Variants in LINGO2 observed in about 807,000 individuals in gnomAD.
LINGO2 encodes the protein leucine-rich repeat and immunoglobulin-like domain-containing nogo receptor-interacting protein 2.
LINGO2 carries 14 observed loss-of-function variants against 30.6 expected under a neutral mutation model. The ratio of observed to expected loss-of-function variants is 0.46; its 90% CI spans 0.30 to 0.72. The LOEUF is 0.72. Ranked by LOEUF, LINGO2 falls within the 30% of genes least tolerant of loss-of-function variation. LINGO2 has a pLI of 0.07. For missense variants in LINGO2, 729 were observed against 751.7 expected (o/e 0.97, Z 0.35); for synonymous variants, 317 against 288.5 (o/e 1.10, Z -1.00).
At chr9:28,857,229 A>G in the LINGO2 span, among the ~76,000 whole-genome samples, 1 of 152,038 alleles carries the variant, frequency 6.6e-6, no homozygotes, top group Non-Finnish European at 1.5e-5. Context: ...TTTTCTAGAG[A>G]AAGTATAGAA....
intron 4 of LINGO2, among the ~76,000 whole-genome samples, chr9:28,228,391 A>T (rs568204647): frequency 6.6e-6 from 1 of 152,154 alleles, no homozygotes; most frequent in Admixed American, 6.5e-5. Context: ...TACGAACTAA[A>T]TCAGATCCAT....
intron 2 of LINGO2, among the ~76,000 whole-genome samples, chr9:28,377,912 A>ATAGT (rs1183729194): frequency 6.6e-6 from 1 of 152,196 alleles, no homozygotes. Flanking sequence ...AGAACACAGA[A>ATAGT]GTTACCTAAT....
the LINGO2 span, among the ~76,000 whole-genome samples, chr9:29,015,964 A>T: frequency 6.6e-6 from 1 of 152,134 alleles, no homozygotes; most frequent in African/African-American, 2.4e-5. Flanking sequence ...ATAACACACA[A>T]TGGTCAATTC....
chr9:28,152,785 A>G (rs1266905325), intron 4 of LINGO2, among the ~76,000 whole-genome samples: 1 of 152,200 alleles, frequency 6.6e-6, no homozygotes, highest in Non-Finnish European at 1.5e-5. Flanking sequence ...ACTTAAATCA[A>G]TATTTTTGAA....
chr9:28,477,530 T>C (rs1470400795), intron 1 of LINGO2, among the ~76,000 whole-genome samples: 2 of 152,146 alleles, frequency 1.3e-5, no homozygotes, highest in African/African-American at 4.8e-5. Context: ...CTTCCCCCAT[T>C]TTCTAGGAAA....
chr9:28,799,308 T>G, the LINGO2 span, among the ~76,000 whole-genome samples: 1 of 151,970 alleles, frequency 6.6e-6, no homozygotes, highest in Non-Finnish European at 1.5e-5. Flanking sequence ...GATATAAAAT[T>G]CAAAGTTGGG....
the LINGO2 span, among the ~76,000 whole-genome samples, chr9:28,860,119 A>G: frequency 1.3e-5 from 2 of 152,128 alleles, no homozygotes; most frequent in Non-Finnish European, 2.9e-5. Context: ...GAAAATAATT[A>G]AGAAAATCTT....
At chr9:28,879,256 T>C in the LINGO2 span, among the ~76,000 whole-genome samples, 1 of 151,906 alleles carries the variant, frequency 6.6e-6, no homozygotes, top group Non-Finnish European at 1.5e-5. Flanking sequence ...TAGTATTATT[T>C]TTTAATAGGA....
At chr9:29,032,857 T>C in the LINGO2 span, among the ~76,000 whole-genome samples, 6 of 152,274 alleles carry the variant, frequency 3.9e-5, no homozygotes, top group South Asian at 6.2e-4. Flanking sequence ...ACTACATATA[T>C]AGAACATTTC....
At chr9:28,481,361 T>C (rs78966398) in intron 1 of LINGO2, among the ~76,000 whole-genome samples, 3,285 of 152,248 alleles carry the variant, frequency 0.022, 111 homozygotes, top group African/African-American at 0.074. Context: ...TAACCAGGCC[T>C]TCTACCTCCA....
chr9:28,533,312 T>C (rs1157289625), intron 1 of LINGO2, among the ~76,000 whole-genome samples: 1 of 152,108 alleles, frequency 6.6e-6, no homozygotes, highest in African/African-American at 2.4e-5. Context: ...GGCTGCACCG[T>C]CCGCTTCCCA....
intron 1 of LINGO2, among the ~76,000 whole-genome samples, chr9:28,642,011 C>T (rs899157773): frequency 3.7e-5 from 5 of 135,568 alleles, no homozygotes; most frequent in African/African-American, 1.5e-4. Context: ...TTATAATACT[C>T]TGTTTTTTTT....
rs200518473 is a variant in LINGO2, at chr9:28,184,963, C to CA, written c.-87+110244dup. 6.4e-4 allele frequency among the ~76,000 whole-genome samples: 96 copies of CA among 151,078 alleles called. No individual in the cohort carries two copies. The East Asian group carries it at 7.2e-3, about 11-fold the overall frequency. The stretch of plus-strand genomic sequence containing the variant: ...TAAAACAAAACACAACAAAACAAAA[C>CA]AAAAAAAAATCTTCTTCCAAAACTT... On this transcript the variant is annotated intron_variant, in intron 4 of 5. Coordinates refer to ENST00000379992, the Ensembl canonical transcript of LINGO2.
chr9:28,317,490 T>C (rs1281554386), intron 3 of LINGO2, among the ~76,000 whole-genome samples: 1 of 152,196 alleles, frequency 6.6e-6, no homozygotes, highest in Non-Finnish European at 1.5e-5. Context: ...CAGATCATTA[T>C]TGGAAGCAAA....
the LINGO2 span, among the ~76,000 whole-genome samples, chr9:29,054,004 AT>A: frequency 6.6e-6 from 1 of 152,050 alleles, no homozygotes; most frequent in African/African-American, 2.4e-5. Flanking sequence ...AATGAGGTAA[AT>A]GTGTATCTTT....
chr9:28,042,266 C>T (rs1478845019), intron 4 of LINGO2, among the ~76,000 whole-genome samples: 1 of 152,126 alleles, frequency 6.6e-6, no homozygotes, highest in African/African-American at 2.4e-5. Flanking sequence ...AGAAAATTCA[C>T]CCCATTAATG....
chr9:28,810,614 TTTGAA>T, the LINGO2 span, among the ~76,000 whole-genome samples: 1 of 152,100 alleles, frequency 6.6e-6, no homozygotes, highest in Admixed American at 6.5e-5. Context: ...TCACTTTATA[TTTGAA>T]TAAAAAAAGA....
intron 1 of LINGO2, among the ~76,000 whole-genome samples, chr9:28,514,720 T>A (rs1820549346): frequency 1.3e-5 from 2 of 152,148 alleles, no homozygotes; most frequent in South Asian, 4.1e-4. Context: ...CAAGTACTGA[T>A]AAAGAAGCTG....
chr9:29,134,293 G>A, the LINGO2 span, among the ~76,000 whole-genome samples: 21 of 152,100 alleles, frequency 1.4e-4, no homozygotes, highest in Non-Finnish European at 2.5e-4. Context: ...TCTGATAAAA[G>A]TTATAACTGG....
Sources: allele counts gnomAD v4.1 joint callset (sites outside exome capture counted in the v4.1 genomes callset), GRCh38; gene constraint gnomAD v4.1.1; transcripts MANE v1.5; gene names NCBI Gene and HGNC (gene_info 2026-07-23, HGNC 2026-07-21).